Variants in TMEM273 observed in about 807,000 individuals in gnomAD.
The protein encoded by TMEM273 is chromosome 10 open reading frame 128.
A neutral mutation model predicts 17.9 loss-of-function variants in TMEM273; 19 were observed. The ratio of observed to expected loss-of-function variants is 1.06; its 90% CI spans 0.74 to 1.55. The LOEUF (loss-of-function observed/expected upper bound fraction) is 1.55. TMEM273 is among the 40% of genes most tolerant of loss of function. TMEM273 has a pLI of 0.00. For synonymous variants in TMEM273, 66 were observed against 62.0 expected, an observed-to-expected ratio of 1.07 and a Z score of -0.31; for missense variants, 194 against 155.6, an observed-to-expected ratio of 1.25 and a Z score of -1.31.
At chr10:49,172,971 C>A (rs1378574162) in intron 1 of TMEM273, among the ~76,000 whole-genome samples, 1 of 152,192 alleles carries the variant, frequency 6.6e-6, no homozygotes, top group Admixed American at 6.5e-5. Flanking sequence ...TGTGATTGGT[C>A]AACAGGTGGG....
chr10:49,185,546 C>T (rs932908652), intron 1 of TMEM273, among the ~76,000 whole-genome samples: 5 of 152,202 alleles, frequency 3.3e-5, no homozygotes, highest in Admixed American at 2.6e-4. Context: ...CCCAACGTTT[C>T]CTTCATTTGC....
chr10:49,171,435 A>G (rs962086689), intron 1 of TMEM273, among the ~76,000 whole-genome samples: 33 of 152,208 alleles, frequency 2.2e-4, no homozygotes, highest in Admixed American at 1.8e-3. Flanking sequence ...TGTAGCTTCC[A>G]TGTGTGGTCA....
intron 1 of TMEM273, among the ~76,000 whole-genome samples, chr10:49,175,995 G>C (rs545694527): frequency 1.1e-3 from 161 of 152,338 alleles, no homozygotes; most frequent in African/African-American, 3.5e-3. Context: ...TGACTCCCAT[G>C]GTGGGTGGGA....
intron 6 of TMEM273, chr10:49,160,569 T>C (rs937168795): frequency 6.6e-6 from 1 of 151,948 alleles, no homozygotes; most frequent in Admixed American, 6.6e-5. Flanking sequence ...CAATAAAAAA[T>C]AGAGCAATAA....
intron 1 of TMEM273, among the ~76,000 whole-genome samples, chr10:49,170,424 G>A (rs1846484930): frequency 6.6e-6 from 1 of 152,014 alleles, no homozygotes; most frequent in African/African-American, 2.4e-5. Flanking sequence ...CCTGGCTGAG[G>A]TTCAGCTCAC....
intron 4 of TMEM273, 59 bp from the exon 5 acceptor site, chr10:49,165,342 C>G: frequency 1.3e-6 from 2 of 1,550,076 alleles, no homozygotes; most frequent in East Asian, 4.9e-5. Context: ...AAGGCAGGAC[C>G]GTCCCTGAGG....
chr10:49,172,922 C>T (rs78078815), intron 1 of TMEM273, among the ~76,000 whole-genome samples: 25 of 152,358 alleles, frequency 1.6e-4, no homozygotes, highest in African/African-American at 5.8e-4. Context: ...ATGTGTGAAC[C>T]CTGCCTGACC....
At chr10:49,176,237 G>C (rs571161295) in intron 1 of TMEM273, among the ~76,000 whole-genome samples, 19 of 152,224 alleles carry the variant, frequency 1.2e-4, no homozygotes, top group Non-Finnish European at 2.5e-4. Flanking sequence ...CACTATCCTA[G>C]GGGCCATGAG....
rs146314390 is a variant in TMEM273, at chr10:49,170,549, T to C, written c.44-2587A>G. On this transcript the variant is annotated intron_variant, in intron 1 of 6. Coordinates refer to ENST00000374153, the MANE Select transcript of TMEM273 (RefSeq NM_001288740.3). ...CCCAAAGAGGCTCTATTTTTGGTGG[T>C]CTGACTTAGGGACTGAGTGAATTCC... 5.9e-5 allele frequency among the ~76,000 whole-genome samples: 9 copies of C among 152,282 alleles called. No homozygotes were observed. The East Asian group carries it at 1.7e-3, about 29-fold the overall frequency.
chr10:49,166,777 T>G (rs1846211528), intron 3 of TMEM273, 92 bp downstream of exon 3: 1 of 1,570,214 alleles, frequency 6.4e-7, no homozygotes, highest in Non-Finnish European at 8.7e-7. Context: ...TCTGCGCTTG[T>G]GGGTTCATTC....
intron 1 of TMEM273, among the ~76,000 whole-genome samples, chr10:49,169,330 A>C (rs1405606843): frequency 6.6e-6 from 1 of 152,212 alleles, no homozygotes; most frequent in East Asian, 1.9e-4. Context: ...TAGCAAAGAC[A>C]TCCTCCACCC....
At chr10:49,159,260 A>G (rs1451889618) in intron 6 of TMEM273, among the ~76,000 whole-genome samples, 1 of 152,186 alleles carries the variant, frequency 6.6e-6, no homozygotes, top group East Asian at 1.9e-4. Context: ...CTGACTCTCT[A>G]TCCAATTGAT....
chr10:49,185,178 A>C (rs1237507059), intron 1 of TMEM273, among the ~76,000 whole-genome samples: 2 of 152,202 alleles, frequency 1.3e-5, no homozygotes, highest in South Asian at 4.1e-4. Context: ...CTAGAAAAAA[A>C]TTTAACATTT....
intron 2 of TMEM273, among the ~76,000 whole-genome samples, 193 bp downstream of exon 2, chr10:49,167,716 G>A (rs1846285670): frequency 1.3e-5 from 2 of 152,194 alleles, no homozygotes; most frequent in Non-Finnish European, 2.9e-5. Context: ...CTGTGTGGAC[G>A]AGCTTTAATG....
chr10:49,168,374 C>G (rs1250314865), intron 1 of TMEM273, among the ~76,000 whole-genome samples: 2 of 152,182 alleles, frequency 1.3e-5, no homozygotes, highest in Non-Finnish European at 2.9e-5. Context: ...CCTCCTTTAC[C>G]TGGTCTTGGC....
intron 6 of TMEM273, 181 bp downstream of exon 6, chr10:49,161,417 TC>T (rs1792050332): frequency 5.8e-6 from 4 of 695,110 alleles, no homozygotes; most frequent in Non-Finnish European, 1.0e-5. Flanking sequence ...TACCATCATG[TC>T]CCAAGGTGAT....
At chr10:49,187,838 A>G (rs191935223) in intron 1 of TMEM273, among the ~76,000 whole-genome samples, 1 of 152,342 alleles carries the variant, frequency 6.6e-6, no homozygotes, top group East Asian at 1.9e-4. Flanking sequence ...ATTCAACATT[A>G]AATGTATACC....
At chr10:49,164,151 G>A (rs1056380971) in intron 5 of TMEM273, among the ~76,000 whole-genome samples, 3 of 152,054 alleles carry the variant, frequency 2.0e-5, no homozygotes, top group Middle Eastern at 3.4e-3. Flanking sequence ...AGAAACTTTC[G>A]GCTCACCATG....
intron 1 of TMEM273, among the ~76,000 whole-genome samples, chr10:49,184,730 G>A (rs758469684): frequency 3.3e-5 from 5 of 150,968 alleles, no homozygotes; most frequent in Non-Finnish European, 5.9e-5. Flanking sequence ...GAATTGACAC[G>A]ACATTTCCCC....
Sources: allele counts gnomAD v4.1 joint callset (sites outside exome capture counted in the v4.1 genomes callset), GRCh38; gene constraint gnomAD v4.1.1; transcripts MANE v1.5; gene names NCBI Gene and HGNC (gene_info 2026-07-23, HGNC 2026-07-21).